BPGM: variants seen among roughly 807,000 people sequenced by gnomAD.
The protein encoded by BPGM is bisphosphoglycerate mutase, also known as 2,3-bisphosphoglycerate mutase, erythrocyte.
Under a neutral mutation model 21.6 loss-of-function variants are expected in BPGM, and 15 were observed. The ratio of observed to expected loss-of-function variants is 0.70; its 90% confidence interval spans 0.47 to 1.07. The LOEUF (loss-of-function observed/expected upper bound fraction) is 1.07, where lower values mean the gene tolerates loss of function less well. Among genes scored for constraint, BPGM ranks in the 50% least tolerant of loss-of-function variants. The pLI, the probability that BPGM is intolerant of heterozygous loss-of-function variation, is 0.00. For missense variants in BPGM, 273 were observed against 319.0 expected (o/e 0.86, Z 1.10); for synonymous variants, 113 against 116.2 (o/e 0.97, Z 0.18).
chr7:134,654,659 A>G (rs1397721176), intron 1 of BPGM, among the ~76,000 whole-genome samples: 1 of 152,206 alleles, frequency 6.6e-6, no homozygotes, highest in East Asian at 1.9e-4. Flanking sequence ...AGGTAAGAAA[A>G]TGCAGACACC....
intron 2 of BPGM, among the ~76,000 whole-genome samples, chr7:134,667,157 C>T (rs535784749): frequency 2.0e-5 from 3 of 152,284 alleles, no homozygotes; most frequent in African/African-American, 7.2e-5. Flanking sequence ...AAGTGAATCT[C>T]CCCTACTGTT....
In BPGM at chr7:134,661,783, T is replaced by A; in HGVS notation, c.276T>A (p.Tyr92Ter). Residue 92 changes from tyrosine (Y) to a stop codon, truncating the protein, a stop_gained, in exon 2 of 3, where the codon TAT becomes TAA. Coordinates refer to ENST00000344924, the MANE Select transcript of BPGM (RefSeq NM_001724.5). LOFTEE classifies it high-confidence loss of function. This position sits in a 1 kb window ranked among gnomAD's most constrained non-coding sequence, Gnocchi z 4.6. ...CCTGGCGTCTAAATGAGCGTCACTA[T>A]GGGGCCTTGATCGGTCTCAACAGGG... ...ESSWRLNERH[Y>*]GALIGLNREQ... 6.2e-7 allele frequency: 1 copy of A among 1,614,144 alleles called. No individual in the cohort carries two copies. Among genetic ancestry groups the A allele is most frequent in the Non-Finnish European group, 8.5e-7 (1 of 1,180,008 alleles).
chr7:134,672,657 T>C (rs894992205), intron 2 of BPGM, among the ~76,000 whole-genome samples: 48 of 152,138 alleles, frequency 3.2e-4, no homozygotes, highest in Non-Finnish European at 5.9e-5. Flanking sequence ...ATGGATTTTT[T>C]CCCAAAACAA....
At chr7:134,666,041 C>A (rs1372371317) in intron 2 of BPGM, among the ~76,000 whole-genome samples, 3 of 151,980 alleles carry the variant, frequency 2.0e-5, no homozygotes, top group Non-Finnish European at 2.9e-5. Flanking sequence ...CCACACCTGG[C>A]TAATTTTTGT....
At chr7:134,666,813 G>A (rs1007417054) in intron 2 of BPGM, among the ~76,000 whole-genome samples, 1 of 152,204 alleles carries the variant, frequency 6.6e-6, no homozygotes, top group Non-Finnish European at 1.5e-5. Context: ...TTCTCTTACA[G>A]TGTCTATTGA....
Position 134,679,166 on chromosome 7 carries a change from T to G in BPGM, c.*135T>G. ...AGTAGAGTTTGTATAGGTAACTAGGTAACTTATTGTGGCCCAGATAAGGCT... is the reference window on the plus strand; with the variant it reads ...AGTAGAGTTTGTATAGGTAACTAGGGAACTTATTGTGGCCCAGATAAGGCT... On this transcript the variant is annotated 3_prime_UTR_variant, in exon 3 of 3. Transcript: ENST00000344924. 1 of 987,030 alleles carries G rather than the reference T, an allele frequency of 1.0e-6. No homozygotes were observed. The highest frequency in any genetic ancestry group is 1.5e-6 in the Non-Finnish European group (1 of 666,928). The allele number at this position is 987,030 out of a possible 1,614,324, so 61.1% of individuals were successfully genotyped here.
chr7:134,652,149 G>T (rs751832138), intron 1 of BPGM, among the ~76,000 whole-genome samples: 13 of 152,124 alleles, frequency 8.5e-5, no homozygotes, highest in Non-Finnish European at 1.5e-4. Context: ...ATTACTCATG[G>T]TACTTGCCGT....
chr7:134,677,696 A>T (rs889876), intron 2 of BPGM, among the ~76,000 whole-genome samples: 1 of 152,042 alleles, frequency 6.6e-6, no homozygotes, highest in African/African-American at 2.4e-5. Flanking sequence ...TTCTGTTAAT[A>T]TAGAACAGGA....
chr7:134,671,324 A>C (rs1026177242), intron 2 of BPGM, among the ~76,000 whole-genome samples: 6 of 150,994 alleles, frequency 4.0e-5, no homozygotes, highest in African/African-American at 1.5e-4. Flanking sequence ...TTTCATATAT[A>C]GGCTTTATGT....
rs1476759446 is a variant in BPGM at position 134,678,985 on chromosome 7, T to C, written c.734T>C (p.Ile245Thr). The change falls in exon 3 of 3, where the codon ATT becomes ACT. Residue 245 changes from isoleucine to threonine, a missense_variant. Physicochemically the swap from Ile to Thr is moderately conservative, Grantham distance 89 (BLOSUM62 -1). Transcript: ENST00000344924. ...LGDQEAIQAA[I>T]KKVEDQGKVK... ...GACCAAGAGGCGATCCAAGCAGCCA[T>C]TAAGAAAGTAGAAGATCAAGGAAAA... is the stretch of plus-strand genomic sequence containing the variant. 3 of 1,614,018 alleles carry C rather than the reference T, an allele frequency of 1.9e-6. No homozygotes were observed. Among genetic ancestry groups the C allele is most frequent in the Non-Finnish European group, 2.5e-6 (3 of 1,180,008 alleles).
intron 2 of BPGM, among the ~76,000 whole-genome samples, chr7:134,668,120 A>T (rs1227157913): frequency 6.6e-6 from 1 of 152,122 alleles, no homozygotes; most frequent in East Asian, 1.9e-4. Context: ...TTTCTCAGAT[A>T]TTTGATATTA....
At chr7:134,662,370 C>T (rs1795749963) in intron 2 of BPGM, among the ~76,000 whole-genome samples, 1 of 152,194 alleles carries the variant, frequency 6.6e-6, no homozygotes, top group Non-Finnish European at 1.5e-5. Flanking sequence ...GTGGGTCCCA[C>T]CCTCAGAGTT....
intron 2 of BPGM, among the ~76,000 whole-genome samples, chr7:134,673,841 TTACTGCCTTAATAGTCCTG>T (rs1795943389): frequency 1.3e-5 from 2 of 152,134 alleles, no homozygotes; most frequent in South Asian, 4.2e-4. Context: ...AGGTCCATTT[TTACTGCCTTAATAGTCCTG>T]TGAGTAGAGC....
intron 2 of BPGM, among the ~76,000 whole-genome samples, chr7:134,675,555 A>AT (rs1273336086): frequency 6.6e-6 from 1 of 152,178 alleles, no homozygotes; most frequent in East Asian, 1.9e-4. Flanking sequence ...AAATCAATTG[A>AT]TAAAAAATAT....
Position 134,661,724 on chromosome 7 carries a change from G to A in BPGM, c.217G>A (p.Glu73Lys), listed in dbSNP as rs1224620005. The change falls in exon 2 of 3, where the codon GAG becomes AAG. Residue 73 changes from glutamate to lysine, a missense_variant. Glu to Lys is a moderately conservative substitution (Grantham distance 56, BLOSUM62 1). Transcript: ENST00000344924. This position sits in a 1 kb window ranked among gnomAD's most constrained non-coding sequence, Gnocchi z 4.6. ...SIHTAWLILE[E>K]LGQEWVPVES... ...TCACACAGCCTGGCTGATCCTGGAA[G>A]AGCTAGGCCAGGAATGGGTGCCTGT... 1.5e-5 allele frequency: 24 copies of A among 1,614,024 alleles called. No individual in the cohort carries two copies. The highest frequency in any genetic ancestry group is 1.9e-5 in the Non-Finnish European group (23 of 1,180,038).
At chr7:134,658,402 TTC>T (rs1226433161) in intron 1 of BPGM, 1 of 152,344 alleles carries the variant, frequency 6.6e-6, no homozygotes, top group South Asian at 2.1e-4. Context: ...TCGGAAAACT[TTC>T]TGTTTACACA....
Position 134,661,955 on chromosome 7 carries a change from G to T in BPGM, c.448G>T (p.Asp150Tyr), listed in dbSNP as rs374333584. The T allele has an allele frequency of 8.1e-5, 131 of 1,614,120 alleles. No homozygotes were observed. The highest frequency in any genetic ancestry group is 1.7e-4 in the Admixed American group (10 of 60,016). ...GTATAAAGTATGCGATGTGCCCTTG[G>T]ATCAACTGCCACGGTCGGAAAGCTT... is the stretch of plus-strand genomic sequence containing the variant. Reference protein sequence around the residue: ...RRYKVCDVPLDQLPRSESLKD... With the variant: ...RRYKVCDVPLYQLPRSESLKD... Residue 150 changes from aspartate (D) to tyrosine (Y), a missense_variant, in exon 2 of 3, where the codon GAT (aspartate) becomes TAT (tyrosine). Physicochemically the swap from Asp to Tyr is radical, Grantham distance 160. Transcript: ENST00000344924. This position sits in a 1 kb window ranked among gnomAD's most constrained non-coding sequence, Gnocchi z 4.6.
At chr7:134,657,677 GTT>G (rs1386971436) in intron 1 of BPGM, among the ~76,000 whole-genome samples, 1 of 152,144 alleles carries the variant, frequency 6.6e-6, no homozygotes, top group East Asian at 1.9e-4. Context: ...GGAAGAGGTC[GTT>G]TTCAGTTCAG....
At chr7:134,656,871 C>T (rs1795646803) in intron 1 of BPGM, among the ~76,000 whole-genome samples, 1 of 152,186 alleles carries the variant, frequency 6.6e-6, no homozygotes, top group South Asian at 2.1e-4. Context: ...CCCAAAAGTC[C>T]AAATCCAAAG....
Sources: allele counts gnomAD v4.1 joint callset (sites outside exome capture counted in the v4.1 genomes callset), GRCh38; gene constraint gnomAD v4.1.1; non-coding constraint Gnocchi (gnomAD v3.1); transcripts MANE v1.5; gene names NCBI Gene and HGNC (gene_info 2026-07-23, HGNC 2026-07-21).